Variants in LOXL2 observed in about 807,000 individuals in gnomAD.
LOXL2 encodes lysyl oxidase homolog 2.
LOXL2 carries 70 observed loss-of-function variants against 93.0 expected under a neutral mutation model. The observed-to-expected ratio is 0.75, with a 90% CI of 0.62 to 0.92. LOXL2 has a LOEUF of 0.92. LOXL2 is among the 40% of genes least tolerant of loss of function. The pLI is 0.00. For missense variants in LOXL2, 973 were observed against 1,054.9 expected (o/e 0.92, Z 1.08); for synonymous variants, 438 against 413.2 (o/e 1.06, Z -0.73).
intron 3 of LOXL2, among the ~76,000 whole-genome samples, chr8:23,348,255 G>A (rs1260206124): frequency 7.0e-5 from 9 of 128,444 alleles, no homozygotes; most frequent in African/African-American, 1.1e-4. Context: ...GGGGCCTGTC[G>A]TGGGGTGGGG....
At chr8:23,388,584 G>C (rs1327453440) in intron 1 of LOXL2, among the ~76,000 whole-genome samples, 1 of 148,880 alleles carries the variant, frequency 6.7e-6, no homozygotes, top group African/African-American at 2.5e-5. Context: ...GCTGGGACTT[G>C]TCTCCAAGAA....
intron 10 of LOXL2, among the ~76,000 whole-genome samples, chr8:23,308,662 G>A (rs1455505790): frequency 6.6e-6 from 1 of 152,154 alleles, no homozygotes; most frequent in Non-Finnish European, 1.5e-5. Context: ...GGAAAACAAA[G>A]AAACAGAGGG....
intron 6 of LOXL2, among the ~76,000 whole-genome samples, chr8:23,323,038 C>G (rs1002164346): frequency 9.9e-5 from 15 of 152,206 alleles, no homozygotes; most frequent in African/African-American, 3.6e-4. Flanking sequence ...CAGCTGGTAT[C>G]CAGGCTTACT....
At chr8:23,364,462 C>G (rs1804363580) in intron 2 of LOXL2, 1 of 152,146 alleles carries the variant, frequency 6.6e-6, no homozygotes, top group African/African-American at 2.4e-5. Flanking sequence ...GTTAACAGAT[C>G]ATTAGGAAGG....
At chr8:23,314,621 C>T (rs1803364552) in intron 9 of LOXL2, among the ~76,000 whole-genome samples, 1 of 151,282 alleles carries the variant, frequency 6.6e-6, no homozygotes, top group Non-Finnish European at 1.5e-5. Context: ...GGAAGGGGAA[C>T]ATCACACTCT....
At chr8:23,339,929 C>T (rs1233712762) in intron 4 of LOXL2, among the ~76,000 whole-genome samples, 1 of 152,140 alleles carries the variant, frequency 6.6e-6, no homozygotes, top group Non-Finnish European at 1.5e-5. Context: ...GGGCCAGGAT[C>T]AGGGAGGGAT....
chr8:23,341,454 G>GA (rs1376336959), intron 3 of LOXL2: 3 of 546,118 alleles, frequency 5.5e-6, no homozygotes, highest in Non-Finnish European at 9.9e-6. Flanking sequence ...GGAACAGTCA[G>GA]AAAAGACTCA....
intron 4 of LOXL2, among the ~76,000 whole-genome samples, chr8:23,334,147 T>TGCAGCC (rs1265580152): frequency 6.6e-6 from 1 of 152,228 alleles, no homozygotes; most frequent in African/African-American, 2.4e-5. Context: ...CAAGCAATTC[T>TGCAGCC]GCAGCCTCAG....
At chr8:23,385,633 A>T (rs1307402123) in intron 1 of LOXL2, 4 of 332,568 alleles carry the variant, frequency 1.2e-5, no homozygotes, top group Non-Finnish European at 2.3e-5. Context: ...GATTTTGATC[A>T]GTATCAATCA....
At chr8:23,394,822 C>G (rs895587611) in intron 1 of LOXL2, among the ~76,000 whole-genome samples, 1 of 150,612 alleles carries the variant, frequency 6.6e-6, no homozygotes, top group Non-Finnish European at 1.5e-5. Context: ...ATGTTCATAG[C>G]AGTATTATTC....
At chr8:23,324,109 A>G (rs1003894084) in intron 6 of LOXL2, among the ~76,000 whole-genome samples, 6 of 152,222 alleles carry the variant, frequency 3.9e-5, no homozygotes, top group African/African-American at 1.4e-4. Flanking sequence ...AAAGCACTCA[A>G]ACAGTGTTTG....
At chr8:23,386,056 A>T (rs759624125) in intron 1 of LOXL2, 1 of 765,178 alleles carries the variant, frequency 1.3e-6, no homozygotes, top group Non-Finnish European at 2.4e-6. Flanking sequence ...CTAAGGAAAA[A>T]CCGAGAGACA....
chr8:23,339,639 G>A (rs1000801777), intron 4 of LOXL2, among the ~76,000 whole-genome samples: 1 of 152,202 alleles, frequency 6.6e-6, no homozygotes, highest in African/African-American at 2.4e-5. Context: ...AGCCTGCCAG[G>A]GAGGGGGTTT....
intron 11 of LOXL2, 149 bp from the exon 12 acceptor site, chr8:23,302,312 T>A: frequency 4.5e-6 from 4 of 896,482 alleles, no homozygotes; most frequent in Non-Finnish European, 5.1e-6. Context: ...CTCATTTCAG[T>A]AGAACCCCCC....
chr8:23,370,297 A>C (rs1331785131), intron 1 of LOXL2, among the ~76,000 whole-genome samples: 1 of 151,802 alleles, frequency 6.6e-6, no homozygotes, highest in Non-Finnish European at 1.5e-5. Context: ...CCTGTTCTTC[A>C]CAGAGACCTT....
At chr8:23,323,387 C>A (rs904622763) in intron 6 of LOXL2, among the ~76,000 whole-genome samples, 6 of 152,202 alleles carry the variant, frequency 3.9e-5, no homozygotes, top group African/African-American at 1.4e-4. Flanking sequence ...TCTCCTCCCT[C>A]TAGGGAAGCC....
chr8:23,339,089 CCCA>C (rs1563195001), intron 4 of LOXL2, among the ~76,000 whole-genome samples: 1 of 152,110 alleles, frequency 6.6e-6, no homozygotes, highest in Non-Finnish European at 1.5e-5. Flanking sequence ...GCCCCGACAG[CCCA>C]CCGAGGCACA....
intron 1 of LOXL2, among the ~76,000 whole-genome samples, chr8:23,383,862 G>C (rs976869442): frequency 6.6e-6 from 1 of 151,676 alleles, no homozygotes; most frequent in African/African-American, 2.4e-5. Context: ...GGGTTTCACC[G>C]TGTTAGCCAG....
chr8:23,392,313 C>T (rs1804856884), intron 1 of LOXL2, among the ~76,000 whole-genome samples: 1 of 152,202 alleles, frequency 6.6e-6, no homozygotes. Flanking sequence ...GCAATAGCAG[C>T]AGGCATCAAG....
Sources: allele counts gnomAD v4.1 joint callset (sites outside exome capture counted in the v4.1 genomes callset), GRCh38; gene constraint gnomAD v4.1.1; transcripts MANE v1.5; gene names NCBI Gene and HGNC (gene_info 2026-07-23, HGNC 2026-07-21).